DARS1: variants seen among roughly 807,000 people sequenced by gnomAD.
DARS1 encodes the protein aspartate--tRNA ligase, cytoplasmic.
Under a neutral mutation model 68.8 loss-of-function variants are expected in DARS1, and 51 were observed. That is an observed-to-expected ratio of 0.74 (90% CI 0.59 to 0.94). The LOEUF is 0.94. Among genes scored for constraint, DARS1 ranks in the 40% least tolerant of loss-of-function variants. DARS1 has a pLI of 0.00. For missense variants in DARS1, 607 were observed against 597.3 expected (o/e 1.02, Z -0.17); for synonymous variants, 203 against 190.4 (o/e 1.07, Z -0.55).
chr2:135,943,455 C>T lies in DARS1; in HGVS notation c.346G>A (p.Val116Ile), dbSNP rs1681652589. The T allele has an allele frequency of 3.1e-6, 5 of 1,613,618 alleles. No homozygotes were observed. The highest frequency in any genetic ancestry group is 1.3e-5 in the African/African-American group (1 of 75,022). Residue 116 changes from valine (V) to isoleucine (I), a missense_variant, in exon 5 of 16, where the codon GTA becomes ATA. By Grantham distance (29) the Val-to-Ile change is conservative. Coordinates refer to ENST00000264161, the MANE Select transcript of DARS1 (RefSeq NM_001349.4). ...TTCACTTTTCTCACAACACCTTCTA[C>T]ATCCACAATGCTCTCTTTGTTGATG... ...ANINKESIVD[V>I]EGVVRKVNQK...
At position 135,912,498 on chromosome 2, in the gene DARS1, G is replaced by T; in HGVS notation, c.1218C>A (p.Asp406Glu). ...CCAAATTACTTACGGGATTTCTTGG[G>T]TCAGGCATGGTATAGAAAGGTCTTA... ...LAVRPFYTMP[D>E]PRNPKQSNSY... Residue 406 changes from aspartate (D) to glutamate (E), a missense_variant, in exon 13 of 16, where the codon GAC becomes GAA. Transcript: ENST00000264161. 9.2e-7 allele frequency: 1 copy of T among 1,086,510 alleles called. No homozygotes were observed. 67.3% of individuals were successfully genotyped at this position (1,086,510 alleles called of 1,614,324 possible).
chr2:135,982,320 T>G (rs749276657), intron 2 of DARS1, among the ~76,000 whole-genome samples: 2 of 151,382 alleles, frequency 1.3e-5, no homozygotes, highest in Non-Finnish European at 3.0e-5. Context: ...TAAGGCCGGG[T>G]GCGGTGGCTC....
Position 135,985,487 on chromosome 2 carries a change from A to AGT in DARS1, c.-21_-20dup. 1 of 1,613,942 alleles carries AGT rather than the reference A, an allele frequency of 6.2e-7. No homozygotes were observed. Among genetic ancestry groups the AGT allele is most frequent in the Non-Finnish European group, 8.5e-7 (1 of 1,179,930 alleles). On this transcript the variant is annotated 5_prime_UTR_variant, in exon 1 of 16. Coordinates refer to ENST00000264161, the MANE Select transcript of DARS1 (RefSeq NM_001349.4). Reference sequence around the variant, plus strand: ...TGGGCATCGGGACACGGAACTGGGCAGTGGACACCACCCTCCCTCGCAGGC... The same window carrying AGT: ...TGGGCATCGGGACACGGAACTGGGCAGTGTGGACACCACCCTCCCTCGCAGGC...
intron 10 of DARS1, among the ~76,000 whole-genome samples, chr2:135,919,386 G>A (rs1341004103): frequency 2.0e-5 from 3 of 152,124 alleles, no homozygotes; most frequent in Non-Finnish European, 2.9e-5. Flanking sequence ...AATAAAATTC[G>A]TATTTTTGAA....
intron 4 of DARS1, among the ~76,000 whole-genome samples, chr2:135,949,078 A>G (rs1681786537): frequency 6.6e-6 from 1 of 152,102 alleles, no homozygotes; most frequent in Admixed American, 6.5e-5. Context: ...TAATATAAAG[A>G]AAAATAAAAT....
intron 3 of DARS1, among the ~76,000 whole-genome samples, chr2:135,977,603 T>G (rs1173861217): frequency 6.6e-6 from 1 of 152,178 alleles, no homozygotes; most frequent in Non-Finnish European, 1.5e-5. Context: ...ACAATGTGAC[T>G]GACTATTGGC....
Position 135,911,391 on chromosome 2 carries a change from G to T in DARS1, c.1333C>A (p.His445Asn). The T allele has an allele frequency of 1.1e-6, 1 of 941,772 alleles. No individual in the cohort carries two copies. The allele number at this position is 941,772 out of a possible 1,614,324, so 58.3% of individuals were successfully genotyped here. A position where few individuals can be genotyped will look rare whatever the true frequency, so the allele number is the denominator to read the frequency against. Reference sequence around the variant, plus strand: ...ATTTTAAGTTGTTTACCAATTCCATGATGTAAAGCTCTCTCTGTTAGCAGT... The same window carrying T: ...ATTTTAAGTTGTTTACCAATTCCATTATGTAAAGCTCTCTCTGTTAGCAGT... ...PQLLTERALH[H>N]GIDLEKIKAY... Residue 445 changes from histidine (H) to asparagine (N), a missense_variant, in exon 14 of 16, where the codon CAT becomes AAT. His to Asn is a moderately conservative substitution (Grantham distance 68, BLOSUM62 1). Coordinates refer to ENST00000264161, the MANE Select transcript of DARS1 (RefSeq NM_001349.4).
rs1438424629 is a variant in DARS1, at chr2:135,932,809, A to T, written c.538T>A (p.Leu180Ile). 1.5e-6 allele frequency: 2 copies of T among 1,372,912 alleles called. No individual in the cohort carries two copies. Among genetic ancestry groups the T allele is most frequent in the African/African-American group, 2.9e-5 (2 of 69,852 alleles). The allele number at this position is 1,372,912 out of a possible 1,614,324, so 85.0% of individuals were successfully genotyped here. The change falls in exon 7 of 16, where the codon TTA becomes ATA. Residue 180 changes from leucine (L) to isoleucine (I), a missense_variant. Transcript: ENST00000264161. The part of the protein sequence containing the change: ...GRATVNQDTR[L>I]DNRVIDLRTS... ...CTAAGATCAATGACTCTGTTGTCTA[A>T]TCTTGTATCCTGGTTAACAGTAGCT...
intron 4 of DARS1, among the ~76,000 whole-genome samples, chr2:135,958,695 C>T (rs1682031838): frequency 1.3e-5 from 2 of 152,150 alleles, no homozygotes; most frequent in Non-Finnish European, 2.9e-5. Context: ...CGAGTCTTAG[C>T]CATAAGAATT....
At chr2:135,951,347 T>C (rs2104825581) in intron 4 of DARS1, among the ~76,000 whole-genome samples, 1 of 152,330 alleles carries the variant, frequency 6.6e-6, no homozygotes, top group East Asian at 1.9e-4. Context: ...TCAGTCCATG[T>C]TGGCAATTTA....
intron 5 of DARS1, among the ~76,000 whole-genome samples, chr2:135,935,820 T>G (rs1367371610): frequency 6.6e-6 from 1 of 152,324 alleles, no homozygotes; most frequent in East Asian, 1.9e-4. Context: ...CTTATTTAGT[T>G]ACTTCAGGAA....
At chr2:135,941,296 C>G (rs1392884443) in intron 5 of DARS1, among the ~76,000 whole-genome samples, 1 of 152,220 alleles carries the variant, frequency 6.6e-6, no homozygotes, top group Non-Finnish European at 1.5e-5. Flanking sequence ...CAGCATGGTA[C>G]TGGTACCAAA....
At chr2:135,934,846 G>A (rs901472646) in intron 5 of DARS1, among the ~76,000 whole-genome samples, 16 of 148,320 alleles carry the variant, frequency 1.1e-4, no homozygotes, top group African/African-American at 1.7e-4. Context: ...CCAGGCTGGA[G>A]TGCAATGGTG....
rs869183598 is a variant in DARS1 at position 135,907,238 on chromosome 2, C to CTTTTTTTTTTTTTTT, written c.*77_*78insAAAAAAAAAAAAAAA. On this transcript the variant is annotated 3_prime_UTR_variant, in exon 16 of 16. Transcript: ENST00000264161. ...AGGTTACTGAAAAGAATAAGTGTGG[C>CTTTTTTTTTTTTTTT]TTTCTTTTTTTTTTTTTTTTTTTGA... 2.1e-5 allele frequency: 15 copies of CTTTTTTTTTTTTTTT among 725,350 alleles called. No individual in the cohort carries two copies. Among genetic ancestry groups the CTTTTTTTTTTTTTTT allele is most frequent in the African/African-American group, 2.5e-5 (1 of 39,248 alleles). 44.9% of individuals were successfully genotyped at this position (725,350 alleles called of 1,614,324 possible).
chr2:135,916,164 A>T, intron 11 of DARS1, 62 bp downstream of exon 11: 1 of 911,930 alleles, frequency 1.1e-6, no homozygotes, highest in Non-Finnish European at 1.8e-6. Flanking sequence ...TATGTAACAA[A>T]CCTGCACGTT....
chr2:135,918,254 T>C (rs773196818), intron 10 of DARS1, among the ~76,000 whole-genome samples: 75 of 152,332 alleles, frequency 4.9e-4, no homozygotes, highest in Admixed American at 1.2e-3. Flanking sequence ...CTTTGCTTTA[T>C]ATATCAACTC....
intron 5 of DARS1, chr2:135,943,136 C>T: frequency 2.6e-6 from 1 of 389,928 alleles, no homozygotes; most frequent in Non-Finnish European, 4.5e-6. Flanking sequence ...GCCAATGTTG[C>T]ATGGAGCAGA....
intron 5 of DARS1, among the ~76,000 whole-genome samples, chr2:135,936,695 A>G (rs1681479060): frequency 6.6e-6 from 1 of 152,240 alleles, no homozygotes; most frequent in African/African-American, 2.4e-5. Context: ...TTACTAGGTT[A>G]CAAACTTCCT....
chr2:135,946,635 G>T (rs938997409), intron 4 of DARS1, among the ~76,000 whole-genome samples: 10 of 152,130 alleles, frequency 6.6e-5, no homozygotes, highest in African/African-American at 2.4e-4. Flanking sequence ...TACCGTAGAT[G>T]ATCTGAAAAT....
Sources: gnomAD v4.1 joint callset for allele counts (sites outside exome capture counted in the v4.1 genomes callset) on GRCh38, gnomAD v4.1.1 for gene constraint, MANE v1.5 for transcripts, NCBI Gene and HGNC (gene_info 2026-07-23, HGNC 2026-07-21) for gene names.